Variants in MBOAT4 observed in about 807,000 individuals in gnomAD.
MBOAT4 encodes membrane bound ghrelin O-acyltransferase MBOAT4.
A neutral mutation model predicts 13.2 loss-of-function variants in MBOAT4; 11 were observed. The ratio of observed to expected loss-of-function variants is 0.84; its 90% CI spans 0.53 to 1.38. The LOEUF is 1.38. Among genes scored for constraint, MBOAT4 ranks in the 40% most tolerant of loss-of-function variants. The pLI is 0.00. For synonymous variants in MBOAT4, 202 were observed against 210.3 expected, an observed-to-expected ratio of 0.96 and a Z score of 0.34; for missense variants, 481 against 527.2, an observed-to-expected ratio of 0.91 and a Z score of 0.86.
chr8:30,135,771 C>T (rs993848862), intron 2 of MBOAT4, among the ~76,000 whole-genome samples: 1 of 151,452 alleles, frequency 6.6e-6, no homozygotes, highest in Non-Finnish European at 1.5e-5. Flanking sequence ...AAAATTAGCC[C>T]GATGTGGTGG....
chr8:30,135,421 T>C (rs1198121863), intron 2 of MBOAT4, among the ~76,000 whole-genome samples: 1 of 152,118 alleles, frequency 6.6e-6, no homozygotes, highest in Non-Finnish European at 1.5e-5. Context: ...GAAGAAAAGA[T>C]AGGAAGCTGA....
chr8:30,144,244 C>G (rs556637371), intron 1 of MBOAT4, among the ~76,000 whole-genome samples: 2 of 152,264 alleles, frequency 1.3e-5, no homozygotes, highest in Non-Finnish European at 2.9e-5. Flanking sequence ...AAGCAGGTCT[C>G]CTGCCTCCCT....
At chr8:30,139,756 G>A (rs763897185) in intron 1 of MBOAT4, among the ~76,000 whole-genome samples, 6 of 151,712 alleles carry the variant, frequency 4.0e-5, no homozygotes, top group Non-Finnish European at 8.8e-5. Context: ...GCCAGAGTTT[G>A]AGACCAGCCT....
Position 30,132,083 on chromosome 8 carries a change from T to A in MBOAT4, c.1168A>T (p.Ile390Phe). The A allele has an allele frequency of 6.4e-7, 1 of 1,551,716 alleles. No homozygotes were observed. Among genetic ancestry groups the A allele is most frequent in the Non-Finnish European group, 8.7e-7 (1 of 1,147,010 alleles). Residue 390 changes from isoleucine to phenylalanine, a missense_variant, in exon 3 of 3, where the codon ATT becomes TTT. Physicochemically the swap from Ile to Phe is conservative, Grantham distance 21. Transcript: ENST00000320542. ...TLTWAHTQLI[I>F]AYIMLAVEVR... is the part of the protein sequence containing the mutation. Reference sequence around the variant, plus strand: ...TCCACAGCCAGCATGATGTAGGCAATGATCAACTGGGTGTGGGCCCAGGTG... The same window carrying A: ...TCCACAGCCAGCATGATGTAGGCAAAGATCAACTGGGTGTGGGCCCAGGTG...
In MBOAT4 at chr8:30,132,878, G is replaced by C. The variant is rs1307250042; in HGVS notation, c.373C>G (p.Leu125Val). Residue 125 changes from leucine (L) to valine (V), a missense_variant, in exon 3 of 3, where the codon CTC becomes GTC. Leu to Val is a conservative substitution (Grantham distance 32). Transcript: ENST00000320542. The part of the protein sequence containing the change: ...RFCITLSSLM[L>V]LTQRVTSLSL... Reference sequence around the variant, plus strand: ...AGGGACGTGACCCTCTGGGTCAAGAGCATGAGAGAAGAAAGAGTGATGCAG... The same window carrying C: ...AGGGACGTGACCCTCTGGGTCAAGACCATGAGAGAAGAAAGAGTGATGCAG... 1 of 1,532,832 alleles carries C rather than the reference G, an allele frequency of 6.5e-7. No individual in the cohort carries two copies. The highest frequency in any genetic ancestry group is 2.5e-5 in the East Asian group (1 of 40,702). The allele number at this position is 1,532,832 out of a possible 1,614,324, so 95.0% of individuals were successfully genotyped here. A position where few individuals can be genotyped will look rare whatever the true frequency, so the allele number is the denominator to read the frequency against.
chr8:30,142,134 C>G lies in MBOAT4; in HGVS notation c.119+2349G>C, dbSNP rs112333290. ...GAATGTGTGACTTAGCAATGTGTGA[C>G]TTAGCGATTGCATATTTCATTCTAG... On this transcript the variant is annotated intron_variant, in intron 1 of 2. Transcript: ENST00000320542. 2.3e-3 allele frequency among the ~76,000 whole-genome samples: 347 copies of G among 152,338 alleles called. 5 individuals carry two copies. Among genetic ancestry groups the G allele is most frequent in the African/African-American group, 7.2e-3 (301 of 41,578 alleles).
At chr8:30,135,606 G>A (rs974705137) in intron 2 of MBOAT4, among the ~76,000 whole-genome samples, 3 of 152,032 alleles carry the variant, frequency 2.0e-5, no homozygotes, top group Non-Finnish European at 4.4e-5. Context: ...GATTATTGAG[G>A]AGAACAATGA....
chr8:30,134,035 A>G (rs1035057560), intron 2 of MBOAT4, among the ~76,000 whole-genome samples: 1 of 152,222 alleles, frequency 6.6e-6, no homozygotes, highest in Admixed American at 6.5e-5. Context: ...CTTCCTGCCC[A>G]ACCACAGACT....
chr8:30,133,669 G>A (rs1803074971), intron 2 of MBOAT4, among the ~76,000 whole-genome samples: 1 of 151,666 alleles, frequency 6.6e-6, no homozygotes, highest in South Asian at 2.1e-4. Context: ...GGTGCAGTGG[G>A]TCCCATCACT....
Position 30,132,253 on chromosome 8 carries a change from A to G in MBOAT4, c.998T>C (p.Phe333Ser). Residue 333 changes from phenylalanine (F) to serine (S), a missense_variant, in exon 3 of 3, where the codon TTC becomes TCC. Physicochemically the swap from Phe to Ser is radical, Grantham distance 155 (BLOSUM62 -2). Transcript: ENST00000320542. ...ATGGAGTCCATGCCACCAGGCAGAGAAGGCAAATGTCTGCAACAACGGCCA... is the reference window on the plus strand; with the variant it reads ...ATGGAGTCCATGCCACCAGGCAGAGGAGGCAAATGTCTGCAACAACGGCCA... ...RAWPLLQTFA[F>S]SAWWHGLHPG... 6.4e-7 allele frequency: 1 copy of G among 1,551,814 alleles called. No homozygotes were observed. The highest frequency in any genetic ancestry group is 8.7e-7 in the Non-Finnish European group (1 of 1,147,020).
chr8:30,140,637 A>AT (rs1161407852), intron 1 of MBOAT4, among the ~76,000 whole-genome samples: 10 of 152,140 alleles, frequency 6.6e-5, no homozygotes, highest in African/African-American at 2.2e-4. Flanking sequence ...TCCATCTTAT[A>AT]TATCATGTCC....
At chr8:30,137,392 G>A in intron 2 of MBOAT4, 2 of 1,551,706 alleles carry the variant, frequency 1.3e-6, no homozygotes, top group Non-Finnish European at 1.7e-6. Flanking sequence ...TGCAAGCAGA[G>A]TGTCCACTCA....
At chr8:30,136,802 C>T (rs1055836788) in intron 2 of MBOAT4, among the ~76,000 whole-genome samples, 1 of 150,642 alleles carries the variant, frequency 6.6e-6, no homozygotes, top group Non-Finnish European at 1.5e-5. Flanking sequence ...GATCTCCTGT[C>T]TCAGCCTCCC....
In MBOAT4 at chr8:30,132,869, G is replaced by A; in HGVS notation, c.382C>T (p.Gln128Ter). 6.5e-7 allele frequency: 1 copy of A among 1,543,742 alleles called. No individual in the cohort carries two copies. ...ITLSSLMLLT[Q>*]RVTSLSLDIC... ...TCCAGAGAGAGGGACGTGACCCTCT[G>A]GGTCAAGAGCATGAGAGAAGAAAGA... Residue 128 changes from glutamine to a stop codon, truncating the protein, a stop_gained, in exon 3 of 3, where the codon CAG becomes TAG. Transcript: ENST00000320542. LOFTEE classifies it low-confidence loss of function (END_TRUNC).
intron 2 of MBOAT4, among the ~76,000 whole-genome samples, chr8:30,135,789 C>G (rs1803126331): frequency 6.6e-6 from 1 of 151,594 alleles, no homozygotes; most frequent in African/African-American, 2.4e-5. Context: ...TGGTGCATGC[C>G]TGTGGTCCCA....
At position 30,138,552 on chromosome 8, in the gene MBOAT4, C is replaced by T. The variant is rs142760387; in HGVS notation, c.324G>A (p.Leu108=). 18 of 1,549,498 alleles carry T rather than the reference C, an allele frequency of 1.2e-5. No homozygotes were observed. Among genetic ancestry groups the T allele is most frequent in the Non-Finnish European group, 1.5e-5 (17 of 1,145,284 alleles). ...CTTACCTCACAGAAGGAGGCTCATG[C>T]AGATAATACTCAGTGTAGTGCAGAC... ...HLGLHYTEYY[L]HEPPSVRFCI... The change falls in exon 2 of 3, where the codon CTG becomes CTA. Residue 108 remains leucine (L), a synonymous_variant. Transcript: ENST00000320542.
chr8:30,141,679 G>T (rs1447296418), intron 1 of MBOAT4, among the ~76,000 whole-genome samples: 2 of 151,880 alleles, frequency 1.3e-5, no homozygotes, highest in African/African-American at 2.4e-5. Flanking sequence ...GAAAATAAAA[G>T]AAAAGAAAAA....
intron 1 of MBOAT4, among the ~76,000 whole-genome samples, chr8:30,143,366 A>AAT (rs1329756154): frequency 1.4e-3 from 29 of 20,444 alleles, no homozygotes; most frequent in African/African-American, 2.2e-3. Flanking sequence ...AAAAAAAAAA[A>AAT]ATATATATAT....
Position 30,138,739 on chromosome 8 carries a change from G to A in MBOAT4, c.137C>T (p.Thr46Ile), listed in dbSNP as rs1803204039. The A allele has an allele frequency of 6.5e-7, 1 of 1,549,764 alleles. No individual in the cohort carries two copies. The highest frequency in any genetic ancestry group is 2.2e-4 in the Middle Eastern group (1 of 4,646). ...STRARYLFLLTGGGALAVAAM... is the reference protein window; with the variant it reads ...STRARYLFLLIGGGALAVAAM... ...AGCCACGGCCAGGGCACCTCCTCCA[G>A]TCAGGAGAAAGAGGTACCTGAAAGA... The change falls in exon 2 of 3, where the codon ACT (threonine) becomes ATT (isoleucine). Residue 46 changes from threonine to isoleucine, a missense_variant. Thr to Ile is a moderately conservative substitution (Grantham distance 89). Transcript: ENST00000320542.
Sources: allele counts gnomAD v4.1 joint callset (sites outside exome capture counted in the v4.1 genomes callset), GRCh38; gene constraint gnomAD v4.1.1; transcripts MANE v1.5; gene names NCBI Gene and HGNC (gene_info 2026-07-23, HGNC 2026-07-21).